The following ADAMTS2 variants were observed in gnomAD, a reference collection of about 807,000 sequenced individuals.
ADAMTS2 encodes A disintegrin and metalloproteinase with thrombospondin motifs 2.
A neutral mutation model predicts 123.0 loss-of-function variants in ADAMTS2; 50 were observed. The observed-to-expected ratio is 0.41, with a 90% CI of 0.32 to 0.51. The LOEUF is 0.51. Ranked by LOEUF, ADAMTS2 falls within the 20% of genes least tolerant of loss-of-function variation. The probability of loss-of-function intolerance (pLI) is 0.35; values close to 1 mark genes in which losing one functional copy is unlikely to be tolerated. For synonymous variants in ADAMTS2, 678 were observed against 695.4 expected (o/e 0.98, Z 0.39); for missense variants, 1,494 against 1,705.2 (o/e 0.88, Z 2.18).
chr5:179,154,667 G>A, intron 7 of ADAMTS2, 147 bp downstream of exon 7: 2 of 691,568 alleles, frequency 2.9e-6, no homozygotes, highest in South Asian at 1.8e-5. Flanking sequence ...GGCCAGCACT[G>A]CCCAGCGCTG....
chr5:179,195,074 C>G (rs1764392642), intron 4 of ADAMTS2, among the ~76,000 whole-genome samples: 1 of 152,192 alleles, frequency 6.6e-6, no homozygotes, highest in Admixed American at 6.5e-5. Flanking sequence ...CCTTCCCTGA[C>G]CAGCCGCCCC....
chr5:179,242,609 G>T lies in ADAMTS2; in HGVS notation c.688+30302C>A, dbSNP rs1765693403. Among the ~76,000 whole-genome samples the T allele has an allele frequency of 6.6e-6, 1 of 152,120 alleles. No individual in the cohort carries two copies. The highest frequency in any genetic ancestry group is 1.5e-5 in the Non-Finnish European group (1 of 68,010). ...TTCAAGAAAATCAACCAAATCTTGG[G>T]AAGAAAAATCCCAGTAAGAACAGCA... is the stretch of plus-strand genomic sequence containing the variant. On this transcript the variant is annotated intron_variant, in intron 3 of 21. Coordinates refer to ENST00000251582, the MANE Select transcript of ADAMTS2 (RefSeq NM_014244.5). This position sits in a 1 kb window ranked among gnomAD's most constrained non-coding sequence, Gnocchi z 4.2.
chr5:179,170,858 C>T lies in ADAMTS2; in HGVS notation c.975+10214G>A, dbSNP rs1043066049. Among the ~76,000 whole-genome samples the T allele has an allele frequency of 2.0e-5, 3 of 152,126 alleles. No homozygotes were observed. The highest frequency in any genetic ancestry group is 2.9e-5 in the Non-Finnish European group (2 of 68,030). ...GGGAAGCCAGAGGCTCTGGGCTGGC[C>T]GGATGCTTTGGGGGCACAAGGATAC... On this transcript the variant is annotated intron_variant, in intron 5 of 21. Transcript: ENST00000251582. This position sits in a 1 kb window ranked among gnomAD's most constrained non-coding sequence, Gnocchi z 4.3.
chr5:179,228,985 T>C lies in ADAMTS2; in HGVS notation c.689-21270A>G, dbSNP rs1765350176. ...AGGTGACAGCCAGCACGTGAGCAAG[T>C]GCCCTGGGTTCTGGTCCCAGCAAAG... On this transcript the variant is annotated intron_variant, in intron 3 of 21. Transcript: ENST00000251582. The surrounding 1 kb of genome is among the most constrained non-coding windows in gnomAD (Gnocchi z 5.2). Among the ~76,000 whole-genome samples the C allele has an allele frequency of 6.6e-6, 1 of 152,166 alleles. No individual in the cohort carries two copies. The highest frequency in any genetic ancestry group is 1.5e-5 in the Non-Finnish European group (1 of 68,024).
rs377518396 is a variant in ADAMTS2 at position 179,252,547 on chromosome 5, A to ATT, written c.688+20362_688+20363dup. Among the ~76,000 whole-genome samples, 490 of 151,874 alleles carry ATT rather than the reference A, an allele frequency of 3.2e-3. 2 individuals are homozygous for ATT. The highest frequency in any genetic ancestry group is 0.011 in the African/African-American group (470 of 41,426). On this transcript the variant is annotated intron_variant, in intron 3 of 21. Coordinates refer to ENST00000251582, the MANE Select transcript of ADAMTS2 (RefSeq NM_014244.5). ...TTTGACCCATGAATTATTTAAAAGT[A>ATT]TTTTTTTTAAATTTCCAAATAATGG...
intron 2 of ADAMTS2, among the ~76,000 whole-genome samples, chr5:179,309,504 C>T (rs1466610742): frequency 6.6e-6 from 1 of 152,198 alleles, no homozygotes; most frequent in Admixed American, 6.5e-5. Flanking sequence ...TGACTGTAAT[C>T]CCAGCACTTT....
At position 179,162,149 on chromosome 5, in the gene ADAMTS2, A is replaced by G. The variant is rs1581161949; in HGVS notation, c.976-3270T>C. On this transcript the variant is annotated intron_variant, in intron 5 of 21. Coordinates refer to ENST00000251582, the MANE Select transcript of ADAMTS2 (RefSeq NM_014244.5). The surrounding 1 kb of genome is among the most constrained non-coding windows in gnomAD (Gnocchi z 5.1). Reference sequence around the variant, plus strand: ...AGGGTCCTAAGCCCCATGTAGTGGGACGGTCCCTTCCGATGCCCTGGTGGG... The same window carrying G: ...AGGGTCCTAAGCCCCATGTAGTGGGGCGGTCCCTTCCGATGCCCTGGTGGG... Among the ~76,000 whole-genome samples the G allele has an allele frequency of 6.6e-6, 1 of 152,272 alleles. No individual in the cohort carries two copies. Among genetic ancestry groups the G allele is most frequent in the Middle Eastern group, 3.4e-3 (1 of 294 alleles).
chr5:179,175,174 A>G lies in ADAMTS2; in HGVS notation c.975+5898T>C, dbSNP rs1220557047. 1.3e-5 allele frequency among the ~76,000 whole-genome samples: 2 copies of G among 149,152 alleles called. No individual in the cohort carries two copies. Among genetic ancestry groups the G allele is most frequent in the East Asian group, 2.0e-4 (1 of 5,020 alleles). On this transcript the variant is annotated intron_variant, in intron 5 of 21. Coordinates refer to ENST00000251582, the MANE Select transcript of ADAMTS2 (RefSeq NM_014244.5). This position sits in a 1 kb window ranked among gnomAD's most constrained non-coding sequence, Gnocchi z 4.1. ...CTTGCTTGGGTTCCGCAGCTGTCTC[A>G]GCCATTCTTGACCGTCCATGTTGCT...
rs567468014 is a variant in ADAMTS2 at position 179,237,248 on chromosome 5, T to A, written c.689-29533A>T. ...ACTGCACTCCAGCCTAGGTGATGAGTGAGACTCTGTCTCTAAACATTTTTT... is the reference window on the plus strand; with the variant it reads ...ACTGCACTCCAGCCTAGGTGATGAGAGAGACTCTGTCTCTAAACATTTTTT... On this transcript the variant is annotated intron_variant, in intron 3 of 21. Coordinates refer to ENST00000251582, the MANE Select transcript of ADAMTS2 (RefSeq NM_014244.5). Among the ~76,000 whole-genome samples, 18 of 152,264 alleles carry A rather than the reference T, an allele frequency of 1.2e-4. No individual in the cohort carries two copies. The South Asian group carries it at 3.5e-3, about 30-fold the overall frequency.
At chr5:179,192,603 G>A (rs1470183659) in intron 4 of ADAMTS2, among the ~76,000 whole-genome samples, 4 of 152,236 alleles carry the variant, frequency 2.6e-5, no homozygotes, top group African/African-American at 9.6e-5. Flanking sequence ...TTCTGCTCAG[G>A]ATCAGAAGGG....
At chr5:179,173,337 T>A (rs901633754) in intron 5 of ADAMTS2, among the ~76,000 whole-genome samples, 1 of 152,086 alleles carries the variant, frequency 6.6e-6, no homozygotes, top group Non-Finnish European at 1.5e-5. Flanking sequence ...CACAGAGAAA[T>A]CCTGTTCACA....
rs1400266252 is a variant in ADAMTS2, at chr5:179,132,440, C to T, written c.2210-130G>A. 1 of 997,622 alleles carries T rather than the reference C, an allele frequency of 1.0e-6. No individual in the cohort carries two copies. The highest frequency in any genetic ancestry group is 1.6e-5 in the African/African-American group (1 of 62,540). 61.8% of individuals were successfully genotyped at this position (997,622 alleles called of 1,614,324 possible). The stretch of plus-strand genomic sequence containing the variant: ...GCTCTCCCAGGACCCTGGTATTTCT[C>T]TGGCTTTGAGGACCCACCTGAGAGG... On this transcript the variant is annotated intron_variant, in intron 14 of 21. Coordinates refer to ENST00000251582, the MANE Select transcript of ADAMTS2 (RefSeq NM_014244.5). This position sits in a 1 kb window ranked among gnomAD's most constrained non-coding sequence, Gnocchi z 6.1.
intron 3 of ADAMTS2, among the ~76,000 whole-genome samples, chr5:179,235,008 C>A (rs2113438513): frequency 6.6e-6 from 1 of 152,320 alleles, no homozygotes; most frequent in Middle Eastern, 3.4e-3. Flanking sequence ...AGCCATGGGT[C>A]CGAGAAAACA....
At position 179,260,569 on chromosome 5, in the gene ADAMTS2, C is replaced by T. The variant is rs1766191756; in HGVS notation, c.688+12342G>A. On this transcript the variant is annotated intron_variant, in intron 3 of 21. Coordinates refer to ENST00000251582, the MANE Select transcript of ADAMTS2 (RefSeq NM_014244.5). The surrounding 1 kb of genome is among the most constrained non-coding windows in gnomAD (Gnocchi z 4.2). ...CAGGCTCTGAGCGGGGACAGGAGGG[C>T]ACTGCACTGGGTGTCAGCAGCCCTG... Among the ~76,000 whole-genome samples, 1 of 152,130 alleles carries T rather than the reference C, an allele frequency of 6.6e-6. No homozygotes were observed. The highest frequency in any genetic ancestry group is 2.1e-4 in the South Asian group (1 of 4,824).
chr5:179,135,918 C>A lies in ADAMTS2; in HGVS notation c.2076G>T (p.Gly692=). 2 of 1,613,200 alleles carry A rather than the reference C, an allele frequency of 1.2e-6. No homozygotes were observed. Among genetic ancestry groups the A allele is most frequent in the Non-Finnish European group, 1.7e-6 (2 of 1,180,018 alleles). Residue 692 remains glycine, a synonymous_variant, in exon 13 of 22, where the codon GGG becomes GGT. Coordinates refer to ENST00000251582, the MANE Select transcript of ADAMTS2 (RefSeq NM_014244.5). ...YKDAFSLCVR[G]DCRKVGCDGV... ...GCCTCTGTGTACTCACCCTGCAGTCCCCGCGCACACAGAGGCTGAAGGCGT... is the reference window on the plus strand; with the variant it reads ...GCCTCTGTGTACTCACCCTGCAGTCACCGCGCACACAGAGGCTGAAGGCGT...
rs563103737 is a variant in ADAMTS2 at position 179,269,474 on chromosome 5, G to A, written c.688+3437C>T. Among the ~76,000 whole-genome samples, 160 of 152,270 alleles carry A rather than the reference G, an allele frequency of 1.1e-3. 1 individual carries two copies. The highest frequency in any genetic ancestry group is 1.8e-3 in the Non-Finnish European group (123 of 68,020). Reference sequence around the variant, plus strand: ...AGCAGCCGAGAGAGAGAGAGCTTGTGCAGGGCAACTCCCGTTTTTAAAACC... The same window carrying A: ...AGCAGCCGAGAGAGAGAGAGCTTGTACAGGGCAACTCCCGTTTTTAAAACC... On this transcript the variant is annotated intron_variant, in intron 3 of 21. Coordinates refer to ENST00000251582, the MANE Select transcript of ADAMTS2 (RefSeq NM_014244.5).
At chr5:179,150,320 C>A (rs1376994937) in intron 10 of ADAMTS2, among the ~76,000 whole-genome samples, 5 of 152,234 alleles carry the variant, frequency 3.3e-5, no homozygotes, top group African/African-American at 1.2e-4. Context: ...CTGCTGAGGG[C>A]CTGTGGGAAG....
chr5:179,301,552 G>C (rs1756517525), intron 2 of ADAMTS2, among the ~76,000 whole-genome samples: 1 of 152,240 alleles, frequency 6.6e-6, no homozygotes, highest in Non-Finnish European at 1.5e-5. Context: ...CCCCGCACTG[G>C]GACAGGGGCA....
At chr5:179,246,770 T>G (rs760150363) in intron 3 of ADAMTS2, among the ~76,000 whole-genome samples, 1 of 152,182 alleles carries the variant, frequency 6.6e-6, no homozygotes, top group African/African-American at 2.4e-5. Flanking sequence ...TTTAAGAAAG[T>G]CTCTGTCAAA....
Sources: gnomAD v4.1 joint callset for allele counts (sites outside exome capture counted in the v4.1 genomes callset) on GRCh38, gnomAD v4.1.1 for gene constraint, Gnocchi (gnomAD v3.1) non-coding constraint, MANE v1.5 for transcripts, NCBI Gene and HGNC (gene_info 2026-07-23, HGNC 2026-07-21) for gene names.